Variants in FAM227B observed in about 807,000 individuals in gnomAD.
FAM227B encodes protein FAM227B.
A neutral mutation model predicts 73.8 loss-of-function variants in FAM227B; 88 were observed. That is an observed-to-expected ratio of 1.19 (90% CI 1.00 to 1.42). The LOEUF is 1.42. FAM227B is among the 40% of genes most tolerant of loss of function. The pLI is 0.00. For synonymous variants in FAM227B, 210 were observed against 190.5 expected (o/e 1.10, Z -0.84); for missense variants, 632 against 590.9 (o/e 1.07, Z -0.72).
chr15:49,491,452 A>T (rs2057084652), intron 11 of FAM227B, among the ~76,000 whole-genome samples: 3 of 151,846 alleles, frequency 2.0e-5, no homozygotes, highest in Non-Finnish European at 4.4e-5. Context: ...ATATACACCT[A>T]GTAGTTTCTT....
intron 11 of FAM227B, among the ~76,000 whole-genome samples, chr15:49,492,871 T>C (rs1015659273): frequency 4.6e-5 from 7 of 151,972 alleles, no homozygotes; most frequent in African/African-American, 1.4e-4. Flanking sequence ...TGGTGCAGCA[T>C]TGATGTATTA....
At chr15:49,517,932 G>A (rs1337954631) in intron 10 of FAM227B, among the ~76,000 whole-genome samples, 1 of 152,028 alleles carries the variant, frequency 6.6e-6, no homozygotes, top group Admixed American at 6.6e-5. Context: ...AACTAAGTTT[G>A]TGTGATTTAA....
chr15:49,327,072 T>A lies in FAM227B; in HGVS notation c.*1496A>T, dbSNP rs1464208631. 6.6e-6 allele frequency: 1 copy of A among 152,238 alleles called. No individual in the cohort carries two copies. Among genetic ancestry groups the A allele is most frequent in the African/African-American group, 2.4e-5 (1 of 41,474 alleles). 9.4% of individuals were successfully genotyped at this position (152,238 alleles called of 1,614,324 possible). A position where few individuals can be genotyped will look rare whatever the true frequency, so the allele number is the denominator to read the frequency against. On this transcript the variant is annotated 3_prime_UTR_variant, in exon 16 of 16. Transcript: ENST00000299338. ...CTTTCGTGTCAGGATAAATTGCATC[T>A]TTTAAAGCTAAGTGATCTGTGTACA...
At position 49,566,094 on chromosome 15, in the gene FAM227B, T is replaced by C. The variant is rs577699562; in HGVS notation, c.747+2151A>G. On this transcript the variant is annotated intron_variant, in intron 9 of 15. Coordinates refer to ENST00000299338, the MANE Select transcript of FAM227B (RefSeq NM_152647.3). Reference sequence around the variant, plus strand: ...TGCTTTAAGCCACTAAATATATAATTTTTACAACAGTAGTAGGAGACTAAT... The same window carrying C: ...TGCTTTAAGCCACTAAATATATAATCTTTACAACAGTAGTAGGAGACTAAT... Among the ~76,000 whole-genome samples the C allele has an allele frequency of 8.8e-4, 134 of 152,312 alleles. 5 individuals carry two copies. In the South Asian group the frequency reaches 0.027, roughly 30 times the overall value.
At chr15:49,440,845 A>G (rs192736110) in intron 11 of FAM227B, among the ~76,000 whole-genome samples, 18 of 151,868 alleles carry the variant, frequency 1.2e-4, no homozygotes, top group Admixed American at 1.2e-3. Flanking sequence ...TAACATTCTG[A>G]AGTTGATTAC....
chr15:49,612,883 C>T (rs1255392679), intron 2 of FAM227B, among the ~76,000 whole-genome samples: 1 of 151,820 alleles, frequency 6.6e-6, no homozygotes, highest in Admixed American at 6.6e-5. Context: ...ACTGATAATA[C>T]AAGAAGAAGA....
rs1010589904 is a variant in FAM227B at position 49,331,767 on chromosome 15, A to G, written c.1419+13T>C. The G allele has an allele frequency of 4.6e-6, 7 of 1,526,364 alleles. No homozygotes were observed. The highest frequency in any genetic ancestry group is 2.2e-5 in the East Asian group (1 of 44,460). The allele number at this position is 1,526,364 out of a possible 1,614,324, so 94.6% of individuals were successfully genotyped here. A position where few individuals can be genotyped will look rare whatever the true frequency, so the allele number is the denominator to read the frequency against. On this transcript the variant is annotated intron_variant, in intron 15 of 15. Transcript: ENST00000299338. ...AGAGAGAATTCTCAATTATTTTCAG[A>G]AAGAAAACCTACCAGTTTATGTAGG... is the stretch of plus-strand genomic sequence containing the variant.
intron 11 of FAM227B, among the ~76,000 whole-genome samples, chr15:49,495,301 G>C (rs2057497859): frequency 6.6e-6 from 1 of 152,150 alleles, no homozygotes; most frequent in Admixed American, 6.5e-5. Flanking sequence ...AAACAGGTTT[G>C]AAATATACAT....
intron 9 of FAM227B, among the ~76,000 whole-genome samples, chr15:49,553,699 T>C (rs369139935): frequency 1.3e-4 from 20 of 152,298 alleles, no homozygotes; most frequent in South Asian, 2.1e-4. Flanking sequence ...ATGAGGAATA[T>C]TGCCACACTA....
intron 10 of FAM227B, among the ~76,000 whole-genome samples, chr15:49,525,716 A>G (rs1162606255): frequency 1.1e-5 from 1 of 89,104 alleles, no homozygotes; most frequent in Admixed American, 1.2e-4. Flanking sequence ...ATATATATAT[A>G]TATCACAAAC....
chr15:49,495,981 C>T (rs2057565821), intron 11 of FAM227B, among the ~76,000 whole-genome samples: 1 of 152,084 alleles, frequency 6.6e-6, no homozygotes, highest in South Asian at 2.1e-4. Context: ...CAAGATCCCA[C>T]CACTGCACTT....
At chr15:49,466,730 A>G (rs1843205061) in intron 11 of FAM227B, among the ~76,000 whole-genome samples, 1 of 152,168 alleles carries the variant, frequency 6.6e-6, no homozygotes, top group Admixed American at 6.6e-5. Flanking sequence ...CTGGATATAC[A>G]TTGGTAATAT....
chr15:49,601,890 G>T (rs1222699175), intron 3 of FAM227B, among the ~76,000 whole-genome samples: 1 of 152,130 alleles, frequency 6.6e-6, no homozygotes, highest in Non-Finnish European at 1.5e-5. Context: ...AGTGAGAAAT[G>T]CAATGTTTGT....
chr15:49,514,029 T>C (rs1223736035), intron 10 of FAM227B, among the ~76,000 whole-genome samples: 1 of 152,198 alleles, frequency 6.6e-6, no homozygotes, highest in East Asian at 1.9e-4. Flanking sequence ...TCAGGTAGTG[T>C]GATGCCTCCA....
chr15:49,475,253 A>G (rs1003056737), intron 11 of FAM227B, among the ~76,000 whole-genome samples: 1 of 152,192 alleles, frequency 6.6e-6, no homozygotes, highest in Non-Finnish European at 1.5e-5. Context: ...GGATTTGGCA[A>G]TTAGGAGTTT....
At chr15:49,383,657 T>A (rs916392889) in intron 11 of FAM227B, among the ~76,000 whole-genome samples, 3 of 151,950 alleles carry the variant, frequency 2.0e-5, no homozygotes, top group African/African-American at 7.2e-5. Flanking sequence ...TGGCAAAAAA[T>A]ATTTCTAACA....
chr15:49,395,830 G>C (rs532368604), intron 11 of FAM227B: 1 of 413,788 alleles, frequency 2.4e-6, no homozygotes, highest in East Asian at 7.1e-5. Flanking sequence ...AGTTTAAAGA[G>C]TTAAACTCAA....
At chr15:49,512,687 C>G (rs1260881131) in intron 10 of FAM227B, among the ~76,000 whole-genome samples, 7 of 152,038 alleles carry the variant, frequency 4.6e-5, no homozygotes, top group Admixed American at 2.6e-4. Flanking sequence ...ATGAACCTGT[C>G]ACCTAGGTTT....
At chr15:49,468,186 T>C (rs1031005091) in intron 11 of FAM227B, among the ~76,000 whole-genome samples, 5 of 152,184 alleles carry the variant, frequency 3.3e-5, no homozygotes, top group African/African-American at 1.2e-4. Flanking sequence ...TAAATGGTTT[T>C]TGACATCATT....
Sources: allele counts gnomAD v4.1 joint callset (sites outside exome capture counted in the v4.1 genomes callset), GRCh38; gene constraint gnomAD v4.1.1; transcripts MANE v1.5; gene names NCBI Gene and HGNC (gene_info 2026-07-23, HGNC 2026-07-21).